The following RPL3 variants were observed in gnomAD, a reference collection of about 807,000 sequenced individuals.
The protein encoded by RPL3 is ribosomal protein L3, also known as large ribosomal subunit protein uL3.
A neutral mutation model predicts 46.0 loss-of-function variants in RPL3; 3 were observed. The ratio of observed to expected loss-of-function variants is 0.07; its 90% CI spans 0.03 to 0.17. The LOEUF (loss-of-function observed/expected upper bound fraction) is 0.17. RPL3 is among the 10% of genes least tolerant of loss of function. The pLI, the probability that RPL3 is intolerant of heterozygous loss-of-function variation, is 1.00. For missense variants in RPL3, 387 were observed against 532.7 expected (o/e 0.73, Z 2.69); for synonymous variants, 224 against 190.8 (o/e 1.17, Z -1.43).
intron 2 of RPL3, chr22:39,317,984 T>G (rs573902841): frequency 3.8e-5 from 13 of 346,570 alleles, no homozygotes; most frequent in African/African-American, 1.9e-4. Context: ...AATGTCTCCA[T>G]GGCTCAGCAA....
rs1434566367 is a variant in RPL3 at position 39,315,523 on chromosome 22, G to T, written c.534C>A (p.Ala178=). The T allele has an allele frequency of 1.9e-6, 3 of 1,613,956 alleles. No individual in the cohort carries two copies. In the Admixed American group the frequency reaches 5.0e-5, roughly 27 times the overall value. ...MRLLPLRQKK[A]HLMEIQVNGG... ...CGTTCACCTGGATCTCCATCAGGTG[G>T]GCCTTCTTCTGGCGCAGAGGAAGCA... Residue 178 remains alanine, a synonymous_variant, in exon 5 of 10, where the codon GCC becomes GCA. Coordinates refer to ENST00000216146, the MANE Select transcript of RPL3 (RefSeq NM_000967.4).
chr22:39,316,006 G>A (rs84491), intron 4 of RPL3, among the ~76,000 whole-genome samples: 93,814 of 151,978 alleles, frequency 0.62, 29,529 homozygotes, highest in Middle Eastern at 0.77. Flanking sequence ...TTGGGAGGCC[G>A]AGGCAGGTGG....
chr22:39,314,336 G>T, intron 6 of RPL3, 128 bp from the exon 7 acceptor site: 1 of 812,402 alleles, frequency 1.2e-6, no homozygotes, highest in Non-Finnish European at 2.0e-6. Flanking sequence ...CGTATCCCAA[G>T]GTCAGAGCAA....
chr22:39,313,404 A>T (rs1922478943), intron 8 of RPL3, 94 bp from the exon 9 acceptor site: 1 of 1,563,418 alleles, frequency 6.4e-7, no homozygotes, highest in Non-Finnish European at 8.7e-7. Context: ...AAGCCACACG[A>T]TCAATTCAGC....
At chr22:39,318,666 G>T in intron 1 of RPL3, 74 bp from the exon 2 acceptor site, 1 of 1,296,826 alleles carries the variant, frequency 7.7e-7, no homozygotes, top group Non-Finnish European at 1.1e-6. Context: ...AGCTGCTTAA[G>T]TTCCAAATCT....
At chr22:39,317,701 CAA>C (rs1922792717) in intron 2 of RPL3, 72 bp from the exon 3 acceptor site, 3 of 1,568,382 alleles carry the variant, frequency 1.9e-6, no homozygotes, top group Non-Finnish European at 2.6e-6. Context: ...TAGGAAAATG[CAA>C]AGTGCCCATT....
intron 3 of RPL3, 89 bp downstream of exon 3, chr22:39,317,372 C>CT (rs1922766535): frequency 1.4e-6 from 2 of 1,450,094 alleles, no homozygotes; most frequent in Admixed American, 4.1e-5. Context: ...TCCCTGCCTG[C>CT]TACAGAGCTG....
intron 6 of RPL3, 39 bp downstream of exon 6, chr22:39,314,647 C>T: frequency 6.3e-7 from 1 of 1,585,018 alleles, no homozygotes; most frequent in Non-Finnish European, 8.6e-7. Context: ...ATCACGGGGG[C>T]CTCTTCCCAC....
chr22:39,318,124 T>C (rs1226907823), intron 2 of RPL3: 1 of 436,342 alleles, frequency 2.3e-6, no homozygotes, highest in African/African-American at 2.0e-5. Flanking sequence ...CCCACACTAG[T>C]GTTAACTTCT....
chr22:39,317,658 G>A (rs762556174), intron 2 of RPL3, 29 bp from the exon 3 acceptor site: 2 of 1,608,452 alleles, frequency 1.2e-6, no homozygotes, highest in South Asian at 2.2e-5. Flanking sequence ...AGTCAGACTT[G>A]GCAGGAGCCC....
intron 8 of RPL3, 87 bp downstream of exon 8, chr22:39,313,547 C>T: frequency 7.3e-7 from 1 of 1,375,086 alleles, no homozygotes; most frequent in South Asian, 1.2e-5. Flanking sequence ...CCTTCCTTTC[C>T]TCTCCCACCA....
intron 2 of RPL3, 92 bp from the exon 3 acceptor site, chr22:39,317,721 G>T (rs771232019): frequency 2.7e-6 from 4 of 1,465,774 alleles, no homozygotes; most frequent in Non-Finnish European, 2.8e-6. Context: ...ATTTAGGCCG[G>T]AAGGGCAACT....
chr22:39,313,437 AG>A (rs1922481181), intron 8 of RPL3, 127 bp from the exon 9 acceptor site: 6 of 1,463,420 alleles, frequency 4.1e-6, no homozygotes, highest in Non-Finnish European at 5.6e-6. Context: ...CCGGCAGATG[AG>A]GACACACTCA....
rs528795057 is a variant in RPL3 at position 39,314,150 on chromosome 22, G to A, written c.908C>T (p.Ala303Val). Reference sequence around the variant, plus strand: ...GTCAGATAGGTCATAGTCAGTGGAGGCATTGTTCTTGATCAGCTTGCCGTC... The same window carrying A: ...GTCAGATAGGTCATAGTCAGTGGAGACATTGTTCTTGATCAGCTTGCCGTC... ...IKDGKLIKNNASTDYDLSDKS... is the reference protein window; with the variant it reads ...IKDGKLIKNNVSTDYDLSDKS... The change falls in exon 7 of 10, where the codon GCC becomes GTC. Residue 303 changes from alanine (A) to valine (V), a missense_variant. By Grantham distance (64) the Ala-to-Val change is moderately conservative. Around this residue, in one of 5 missense-constraint regions of RPL3, gnomAD observed 131 missense variants for 185.1 expected, o/e 0.71. Coordinates refer to ENST00000216146, the MANE Select transcript of RPL3 (RefSeq NM_000967.4). The A allele has an allele frequency of 3.7e-6, 6 of 1,613,432 alleles. No homozygotes were observed. The highest frequency in any genetic ancestry group is 2.2e-5 in the East Asian group (1 of 44,874).
chr22:39,316,666 C>T lies in RPL3; in HGVS notation c.501+40G>A, dbSNP rs753050150. On this transcript the variant is annotated intron_variant, in intron 4 of 9. Coordinates refer to ENST00000216146, the MANE Select transcript of RPL3 (RefSeq NM_000967.4). ...CCCATGATCACATAGGTCACTTCTACTAAGTGGCAGGCCAAGCCACCCCGG... is the reference window on the plus strand; with the variant it reads ...CCCATGATCACATAGGTCACTTCTATTAAGTGGCAGGCCAAGCCACCCCGG... 5.0e-6 allele frequency: 8 copies of T among 1,611,372 alleles called. No individual in the cohort carries two copies. The African/African-American group carries it at 5.3e-5, about 11-fold the overall frequency.
rs1390859824 is a variant in RPL3 at position 39,314,182 on chromosome 22, A to T, written c.876T>A (p.Leu292=). 6.2e-7 allele frequency: 1 copy of T among 1,613,834 alleles called. No homozygotes were observed. The highest frequency in any genetic ancestry group is 8.5e-7 in the Non-Finnish European group (1 of 1,180,012). ...TCTTGATCAGCTTGCCGTCCTTGATAAGGTAGCCCTGGCCAATCTTATAAA... is the reference window on the plus strand; with the variant it reads ...TCTTGATCAGCTTGCCGTCCTTGATTAGGTAGCCCTGGCCAATCTTATAAA... ...KKIYKIGQGY[L]IKDGKLIKNN... is the part of the protein sequence containing the mutation. The change falls in exon 7 of 10, where the codon CTT becomes CTA. Residue 292 remains leucine, a synonymous_variant. Coordinates refer to ENST00000216146, the MANE Select transcript of RPL3 (RefSeq NM_000967.4).
intron 1 of RPL3, 108 bp from the exon 2 acceptor site, chr22:39,318,700 C>A (rs758373436): frequency 4.5e-6 from 4 of 884,116 alleles, no homozygotes; most frequent in Non-Finnish European, 6.7e-6. Flanking sequence ...GAATCCTGAC[C>A]AGACACCCAG....
chr22:39,314,966 G>A, intron 5 of RPL3, 120 bp from the exon 6 acceptor site: 1 of 1,386,120 alleles, frequency 7.2e-7, no homozygotes, highest in South Asian at 1.3e-5. Context: ...ATTATTTCAT[G>A]TGCATTACCC....
At chr22:39,314,348 A>G in intron 6 of RPL3, 140 bp from the exon 7 acceptor site, 1 of 738,454 alleles carries the variant, frequency 1.4e-6, no homozygotes, top group Non-Finnish European at 2.2e-6. Context: ...TCAGAGCAAA[A>G]AGCTGGCTGG....
Sources: gnomAD v4.1 joint callset for allele counts (sites outside exome capture counted in the v4.1 genomes callset) on GRCh38, gnomAD v4.1.1 for gene constraint, gnomAD v4.1.1 regional missense constraint, MANE v1.5 for transcripts, NCBI Gene and HGNC (gene_info 2026-07-23, HGNC 2026-07-21) for gene names.